Variants in PLCB4 observed in about 807,000 individuals in gnomAD.
The protein encoded by PLCB4 is phospholipase C beta 4.
Under a neutral mutation model 178.8 loss-of-function variants are expected in PLCB4, and 77 were observed. The observed-to-expected ratio is 0.43, with a 90% CI of 0.36 to 0.52. The LOEUF is 0.52. Among genes scored for constraint, PLCB4 ranks in the 20% least tolerant of loss-of-function variants. The probability of loss-of-function intolerance (pLI) is 0.00; values close to 1 mark genes in which losing one functional copy is unlikely to be tolerated. For synonymous variants in PLCB4, 496 were observed against 490.8 expected, an observed-to-expected ratio of 1.01 and a Z score of -0.14; for missense variants, 1,024 against 1,453.4, an observed-to-expected ratio of 0.70 and a Z score of 4.80.
chr20:9,087,879 G>T (rs754797873), intron 1 of PLCB4, among the ~76,000 whole-genome samples: 9 of 152,202 alleles, frequency 5.9e-5, no homozygotes, highest in Non-Finnish European at 1.2e-4. Flanking sequence ...GAGTGTCTCT[G>T]TGTCCTTGTC....
chr20:9,215,862 A>G (rs1419054184), intron 2 of PLCB4, among the ~76,000 whole-genome samples: 1 of 152,218 alleles, frequency 6.6e-6, no homozygotes, highest in Non-Finnish European at 1.5e-5. Context: ...GGTTTGTCTT[A>G]ACACAATGGA....
chr20:9,402,894 G>T (rs2039141817), intron 20 of PLCB4, among the ~76,000 whole-genome samples: 2 of 152,174 alleles, frequency 1.3e-5, no homozygotes, highest in South Asian at 4.1e-4. Flanking sequence ...TGCCTGTGAA[G>T]TATTCAAGGG....
chr20:9,421,834 A>G lies in PLCB4; in HGVS notation c.2319+373A>G, dbSNP rs2040661750. Among the ~76,000 whole-genome samples, 3 of 152,326 alleles carry G rather than the reference A, an allele frequency of 2.0e-5. No individual in the cohort carries two copies. The South Asian group carries it at 6.2e-4, about 32-fold the overall frequency. On this transcript the variant is annotated intron_variant, in intron 27 of 39. Transcript: ENST00000378473. ...GTAGTCAGGTAAGATGCTGCACTCCAAAATTTTGGTCAATAGATGTCACTA... is the reference window on the plus strand; with the variant it reads ...GTAGTCAGGTAAGATGCTGCACTCCGAAATTTTGGTCAATAGATGTCACTA...
At chr20:9,203,650 A>T (rs938676900) in intron 2 of PLCB4, among the ~76,000 whole-genome samples, 2 of 152,142 alleles carry the variant, frequency 1.3e-5, no homozygotes, top group African/African-American at 2.4e-5. Context: ...AGTTAGGTAG[A>T]TAATTTTGCT....
At chr20:9,390,743 A>G in intron 17 of PLCB4, 128 bp downstream of exon 17, 1 of 545,024 alleles carries the variant, frequency 1.8e-6, no homozygotes, top group African/African-American at 1.9e-5. Flanking sequence ...TTGGTACGGA[A>G]AGCTTACATC....
At chr20:9,213,549 T>C (rs1018253262) in intron 2 of PLCB4, among the ~76,000 whole-genome samples, 2 of 152,256 alleles carry the variant, frequency 1.3e-5, no homozygotes, top group Non-Finnish European at 2.9e-5. Flanking sequence ...ACACGTTTTG[T>C]TAATATGTTT....
intron 2 of PLCB4, among the ~76,000 whole-genome samples, chr20:9,192,236 C>T (rs552301681): frequency 2.6e-5 from 4 of 152,262 alleles, no homozygotes; most frequent in South Asian, 2.1e-4. Flanking sequence ...TGATATGAGC[C>T]GAACTGCTCT....
intron 2 of PLCB4, among the ~76,000 whole-genome samples, chr20:9,132,173 A>G (rs1042198674): frequency 6.6e-6 from 1 of 152,200 alleles, no homozygotes; most frequent in Non-Finnish European, 1.5e-5. Flanking sequence ...CCTACTTTAC[A>G]TGGTCTGTGC....
In PLCB4 at chr20:9,077,342, A is replaced by G. The variant is rs566514295; in HGVS notation, c.-135+8136A>G. ...GAACTATTTGGTCAAAAGCCTATGC[A>G]CACTTCAAATTTTGACAGAGCACTG... On this transcript the variant is annotated intron_variant, in intron 1 of 39. Coordinates refer to ENST00000378473, the MANE Select transcript of PLCB4 (RefSeq NM_001377142.1). Among the ~76,000 whole-genome samples the G allele has an allele frequency of 1.2e-4, 18 of 152,310 alleles. No homozygotes were observed. In the South Asian group the frequency reaches 3.7e-3, roughly 32 times the overall value.
intron 1 of PLCB4, among the ~76,000 whole-genome samples, chr20:9,094,969 A>C (rs188422543): frequency 1.3e-5 from 2 of 152,170 alleles, no homozygotes; most frequent in Non-Finnish European, 2.9e-5. Flanking sequence ...AGGGGACCAC[A>C]GTACTGCTGG....
intron 2 of PLCB4, among the ~76,000 whole-genome samples, chr20:9,159,181 A>G (rs915528246): frequency 6.6e-6 from 1 of 152,138 alleles, no homozygotes; most frequent in Admixed American, 6.6e-5. Context: ...TATCCAAGTT[A>G]TTATCTAAGA....
At position 9,390,528 on chromosome 20, in the gene PLCB4, C is replaced by A; in HGVS notation, c.1239-3C>A. On this transcript the variant is annotated splice_region_variant and splice_polypyrimidine_tract_variant and intron_variant, in intron 16 of 39. Coordinates refer to ENST00000378473, the MANE Select transcript of PLCB4 (RefSeq NM_001377142.1). Reference sequence around the variant, plus strand: ...TTTACAAATGCCACTTTTTTCTCTCCAGCAAATATCAACAGTACAAGATGT... The same window carrying A: ...TTTACAAATGCCACTTTTTTCTCTCAAGCAAATATCAACAGTACAAGATGT... The A allele has an allele frequency of 6.6e-7, 1 of 1,524,574 alleles. No homozygotes were observed. Among genetic ancestry groups the A allele is most frequent in the Non-Finnish European group, 9.1e-7 (1 of 1,100,666 alleles). The allele number at this position is 1,524,574 out of a possible 1,614,324, so 94.4% of individuals were successfully genotyped here. A position where few individuals can be genotyped will look rare whatever the true frequency, so the allele number is the denominator to read the frequency against.
intron 2 of PLCB4, among the ~76,000 whole-genome samples, chr20:9,160,366 T>A (rs111974634): frequency 6.6e-6 from 1 of 152,176 alleles, no homozygotes; most frequent in Non-Finnish European, 1.5e-5. Flanking sequence ...TGTCTGTTTA[T>A]TCATCCGTAT....
intron 2 of PLCB4, among the ~76,000 whole-genome samples, chr20:9,212,022 G>A (rs775454759): frequency 1.8e-4 from 27 of 152,202 alleles, no homozygotes; most frequent in Middle Eastern, 3.2e-3. Context: ...GCAGTGTGCA[G>A]TGCCCCATCA....
In PLCB4 at chr20:9,466,740, C is replaced by T. The variant is rs996399756; in HGVS notation, c.3249-1831C>T. ...CAAAACCACAAGAGTTGCCATCTCA[C>T]GCCAGTTAGAATGGCGATCATTAAA... On this transcript the variant is annotated intron_variant, in intron 35 of 39. Transcript: ENST00000378473. Among the ~76,000 whole-genome samples, 98 of 152,244 alleles carry T rather than the reference C, an allele frequency of 6.4e-4. 4 individuals are homozygous for T. Among genetic ancestry groups the T allele is most frequent in the Admixed American group, 6.1e-3 (94 of 15,300 alleles).
chr20:9,202,948 A>T (rs1885871164), intron 2 of PLCB4, among the ~76,000 whole-genome samples: 1 of 151,060 alleles, frequency 6.6e-6, no homozygotes, highest in Admixed American at 6.6e-5. Context: ...AACAAAAACC[A>T]GGTAACTGCT....
chr20:9,435,487 T>G, intron 28 of PLCB4, 73 bp from the exon 29 acceptor site: 1 of 892,386 alleles, frequency 1.1e-6, no homozygotes, highest in South Asian at 1.4e-5. Flanking sequence ...TTGTAGTTTA[T>G]TAAGCAGAGT....
At chr20:9,303,443 T>G (rs767566368) in intron 3 of PLCB4, among the ~76,000 whole-genome samples, 5 of 152,214 alleles carry the variant, frequency 3.3e-5, no homozygotes, top group Non-Finnish European at 7.3e-5. Context: ...ATATTTGTCT[T>G]TCTGTATTTG....
At chr20:9,411,947 A>G (rs1352943921) in intron 25 of PLCB4, among the ~76,000 whole-genome samples, 1 of 152,068 alleles carries the variant, frequency 6.6e-6, no homozygotes, top group Non-Finnish European at 1.5e-5. Context: ...TCAAGATAAC[A>G]TTTTTCAGTG....
Sources: allele counts gnomAD v4.1 joint callset (sites outside exome capture counted in the v4.1 genomes callset), GRCh38; gene constraint gnomAD v4.1.1; transcripts MANE v1.5; gene names NCBI Gene and HGNC (gene_info 2026-07-23, HGNC 2026-07-21).